Variants in KAZN observed in about 807,000 individuals in gnomAD.
KAZN encodes the protein kazrin.
Under a neutral mutation model 87.4 loss-of-function variants are expected in KAZN, and 40 were observed. The observed-to-expected ratio is 0.46, with a 90% CI of 0.36 to 0.60. The LOEUF (loss-of-function observed/expected upper bound fraction) is 0.60, where lower values mean the gene tolerates loss of function less well. Ranked by LOEUF, KAZN falls within the 20% of genes least tolerant of loss-of-function variation. KAZN has a pLI of 0.00. For missense variants in KAZN, 898 were observed against 1,073.9 expected (o/e 0.84, Z 2.29); for synonymous variants, 466 against 458.3 (o/e 1.02, Z -0.22).
At chr1:14,037,898 G>C (rs373204192) in intron 1 of KAZN, among the ~76,000 whole-genome samples, 1 of 152,160 alleles carries the variant, frequency 6.6e-6, no homozygotes, top group East Asian at 1.9e-4. Context: ...AGCCTAGGAC[G>C]CATTGCTTGC....
chr1:14,663,061 C>G (rs888505538), intron 1 of KAZN, among the ~76,000 whole-genome samples: 2 of 151,508 alleles, frequency 1.3e-5, no homozygotes, highest in African/African-American at 2.4e-5. Flanking sequence ...GCCTTGACCT[C>G]CTGGGCTCAA....
intron 1 of KAZN, among the ~76,000 whole-genome samples, chr1:13,994,898 A>ACAAG: frequency 7.2e-6 from 1 of 139,202 alleles, no homozygotes; most frequent in Middle Eastern, 3.6e-3. Context: ...AAACAAACAA[A>ACAAG]CCTTGAAAGT....
Position 14,935,276 on chromosome 1 carries a change from T to A in KAZN, c.227-25408T>A, listed in dbSNP as rs955292271. On this transcript the variant is annotated intron_variant, in intron 1 of 14. Coordinates refer to ENST00000376030, the MANE Select transcript of KAZN (RefSeq NM_201628.3). ...TCTTTTTGAGACAGAGTTTCACTCT[T>A]GTTGACAAGGCTGGAGTGCGGTGGC... Among the ~76,000 whole-genome samples, 6 of 152,302 alleles carry A rather than the reference T, an allele frequency of 3.9e-5. No individual in the cohort carries two copies. The East Asian group carries it at 1.2e-3, about 29-fold the overall frequency.
intron 1 of KAZN, among the ~76,000 whole-genome samples, chr1:13,936,171 A>C (rs955871618): frequency 7.4e-6 from 1 of 134,956 alleles, no homozygotes; most frequent in East Asian, 2.4e-4. Context: ...ATCTCGGCAC[A>C]CCACAACCTC....
Position 15,077,417 on chromosome 1 carries a change from C to T in KAZN, c.1222+11664C>T, listed in dbSNP as rs1329864750. Among the ~76,000 whole-genome samples the T allele has an allele frequency of 2.0e-5, 3 of 152,196 alleles. No individual in the cohort carries two copies. Among genetic ancestry groups the T allele is most frequent in the Non-Finnish European group, 2.9e-5 (2 of 68,040 alleles). Reference sequence around the variant, plus strand: ...CTGACGGCCAGGCAGCAGGGCTCCACGCTTGTTTCTCAACCCAGAGAAGTG... The same window carrying T: ...CTGACGGCCAGGCAGCAGGGCTCCATGCTTGTTTCTCAACCCAGAGAAGTG... On this transcript the variant is annotated intron_variant, in intron 8 of 14. Transcript: ENST00000376030. The surrounding 1 kb of genome is among the most constrained non-coding windows in gnomAD (Gnocchi z 4.8).
At chr1:14,665,035 C>A (rs1639435085) in intron 1 of KAZN, among the ~76,000 whole-genome samples, 1 of 152,192 alleles carries the variant, frequency 6.6e-6, no homozygotes, top group South Asian at 2.1e-4. Flanking sequence ...ACAAATGATC[C>A]TTCTGCCCAG....
chr1:13,981,075 TA>T (rs1378182011), intron 1 of KAZN, among the ~76,000 whole-genome samples: 1 of 17,670 alleles, frequency 5.7e-5, no homozygotes, highest in African/African-American at 2.3e-4. Flanking sequence ...TGGAGAGGTA[TA>T]AAAAATTACT....
At chr1:14,262,520 A>G (rs1651141666) in intron 2 of KAZN, among the ~76,000 whole-genome samples, 1 of 152,228 alleles carries the variant, frequency 6.6e-6, no homozygotes, top group Non-Finnish European at 1.5e-5. Flanking sequence ...ACTAAATTCT[A>G]CGCTAGAGCC....
chr1:14,058,876 A>G (rs577344261), intron 1 of KAZN, among the ~76,000 whole-genome samples: 1 of 152,340 alleles, frequency 6.6e-6, no homozygotes, highest in African/African-American at 2.4e-5. Context: ...CAGGATCAGC[A>G]TGTGCAAAGG....
chr1:14,207,397 G>A (rs1646767838), intron 2 of KAZN, among the ~76,000 whole-genome samples: 1 of 152,088 alleles, frequency 6.6e-6, no homozygotes, highest in African/African-American at 2.4e-5. Flanking sequence ...TTGCTGTAGT[G>A]ATTCTGAATG....
intron 1 of KAZN, among the ~76,000 whole-genome samples, chr1:13,903,099 A>G (rs1410763847): frequency 1.3e-5 from 2 of 152,236 alleles, no homozygotes; most frequent in African/African-American, 2.4e-5. Context: ...TGTTTGGAGT[A>G]GGGAAGATTA....
intron 2 of KAZN, among the ~76,000 whole-genome samples, chr1:14,524,172 C>T (rs143995854): frequency 1.4e-4 from 22 of 152,210 alleles, no homozygotes; most frequent in African/African-American, 4.6e-4. Flanking sequence ...CAGGCATGCA[C>T]CACCACGCCT....
chr1:14,080,674 G>C (rs768190866), intron 1 of KAZN, among the ~76,000 whole-genome samples: 1 of 152,334 alleles, frequency 6.6e-6, no homozygotes, highest in East Asian at 1.9e-4. Context: ...TGATGCTGGC[G>C]TGAGCGTTTT....
At chr1:14,278,887 A>T (rs1652614630) in intron 2 of KAZN, among the ~76,000 whole-genome samples, 1 of 141,004 alleles carries the variant, frequency 7.1e-6, no homozygotes. Flanking sequence ...TTTTCTGTAA[A>T]TTGGTGATAG....
intron 2 of KAZN, among the ~76,000 whole-genome samples, chr1:14,476,659 G>A (rs1201981913): frequency 6.6e-6 from 1 of 152,160 alleles, no homozygotes; most frequent in Non-Finnish European, 1.5e-5. Context: ...TATATATTCA[G>A]TTTGCTTAAA....
chr1:14,352,671 G>A (rs1658648020), intron 2 of KAZN, among the ~76,000 whole-genome samples: 1 of 152,066 alleles, frequency 6.6e-6, no homozygotes, highest in Non-Finnish European at 1.5e-5. Flanking sequence ...AGAAAAAAAG[G>A]CAAGCACAAG....
At chr1:14,131,468 A>G (rs188156649) in intron 1 of KAZN, among the ~76,000 whole-genome samples, 1 of 152,228 alleles carries the variant, frequency 6.6e-6, no homozygotes, top group East Asian at 1.9e-4. Flanking sequence ...AGCCCCTAAA[A>G]CAAACTTAGT....
At chr1:14,927,080 C>T (rs1233004966) in intron 1 of KAZN, among the ~76,000 whole-genome samples, 3 of 152,106 alleles carry the variant, frequency 2.0e-5, no homozygotes, top group Non-Finnish European at 4.4e-5. Flanking sequence ...TTGCACAATC[C>T]GCACCTGCTT....
intron 2 of KAZN, among the ~76,000 whole-genome samples, chr1:15,009,002 C>T (rs1035643912): frequency 6.6e-6 from 1 of 152,202 alleles, no homozygotes; most frequent in Admixed American, 6.5e-5. Flanking sequence ...TTCTCTCTTG[C>T]AGAAGTAAAT....
Sources: allele counts gnomAD v4.1 joint callset (sites outside exome capture counted in the v4.1 genomes callset), GRCh38; gene constraint gnomAD v4.1.1; non-coding constraint Gnocchi (gnomAD v3.1); transcripts MANE v1.5; gene names NCBI Gene and HGNC (gene_info 2026-07-23, HGNC 2026-07-21).